Variants in EPHB2 observed in about 807,000 individuals in gnomAD.
EPHB2 encodes the protein ephrin type-B receptor 2.
EPHB2 carries 18 observed loss-of-function variants against 96.4 expected under a neutral mutation model. The observed-to-expected ratio is 0.19, with a 90% CI of 0.13 to 0.28. EPHB2 has a LOEUF of 0.28. Among genes scored for constraint, EPHB2 ranks in the 10% least tolerant of loss-of-function variants. The pLI is 1.00. For missense variants in EPHB2, 989 were observed against 1,355.4 expected, an observed-to-expected ratio of 0.73 and a Z score of 4.25; for synonymous variants, 506 against 534.1, an observed-to-expected ratio of 0.95 and a Z score of 0.72.
At chr1:22,730,707 C>T (rs1046172742) in intron 1 of EPHB2, among the ~76,000 whole-genome samples, 4 of 151,918 alleles carry the variant, frequency 2.6e-5, no homozygotes, top group African/African-American at 4.8e-5. Context: ...GTGTGCAAGG[C>T]AGCCAGCGTG....
Position 22,918,329 on chromosome 1 carries a change from T to G in EPHB2, c.*4759T>G, listed in dbSNP as rs1640319169. On this transcript the variant is annotated 3_prime_UTR_variant, in exon 16 of 16. Coordinates refer to ENST00000374630, the MANE Select transcript of EPHB2 (RefSeq NM_017449.5). This position sits in a 1 kb window ranked among gnomAD's most constrained non-coding sequence, Gnocchi z 4.2. The stretch of plus-strand genomic sequence containing the variant: ...TAATTTGGCTGATGTCTACCCCATT[T>G]CCTCCAGGCTTCTCTAGAGGTGGCA... 5 of 149,996 alleles carry G rather than the reference T, an allele frequency of 3.3e-5. No individual in the cohort carries two copies. In the South Asian group the frequency reaches 8.4e-4, roughly 25 times the overall value. The allele number at this position is 149,996 out of a possible 1,614,324, so 9.3% of individuals were successfully genotyped here.
At chr1:22,792,157 G>A (rs1644703150) in intron 3 of EPHB2, among the ~76,000 whole-genome samples, 1 of 152,034 alleles carries the variant, frequency 6.6e-6, no homozygotes, top group African/African-American at 2.4e-5. Context: ...TTCTTACAGA[G>A]GCTGGACCAG....
At chr1:22,756,125 G>A (rs982097387) in intron 1 of EPHB2, among the ~76,000 whole-genome samples, 1 of 152,174 alleles carries the variant, frequency 6.6e-6, no homozygotes, top group Non-Finnish European at 1.5e-5. Context: ...GGGATGGGCT[G>A]GGGGTCCATC....
intron 6 of EPHB2, among the ~76,000 whole-genome samples, chr1:22,886,329 G>C (rs536915776): frequency 6.6e-6 from 1 of 152,232 alleles, no homozygotes; most frequent in Non-Finnish European, 1.5e-5. Flanking sequence ...GCAGAAGCGG[G>C]AGCATCAGGG....
chr1:22,719,206 C>T (rs1643372407), intron 1 of EPHB2, among the ~76,000 whole-genome samples: 1 of 152,098 alleles, frequency 6.6e-6, no homozygotes, highest in Non-Finnish European at 1.5e-5. Flanking sequence ...AATAGCTCAT[C>T]AGGCCTTCAC....
rs368364274 is a variant in EPHB2 at position 22,788,517 on chromosome 1, C to T, written c.811+3441C>T. Among the ~76,000 whole-genome samples the T allele has an allele frequency of 2.4e-4, 37 of 152,332 alleles. 2 individuals carry two copies. The East Asian group carries it at 4.2e-3, about 17-fold the overall frequency. On this transcript the variant is annotated intron_variant, in intron 3 of 15. Transcript: ENST00000374630. The stretch of plus-strand genomic sequence containing the variant: ...AGGCACTGGCCCTGCTGGAGCAGGA[C>T]GTGCAGGAATGGTGATTCCAGCTCA...
At chr1:22,765,546 C>CAAAAAAAA (rs10667863) in intron 1 of EPHB2, among the ~76,000 whole-genome samples, 1 of 115,246 alleles carries the variant, frequency 8.7e-6, no homozygotes, top group Non-Finnish European at 1.7e-5. Flanking sequence ...GACCCTGTCG[C>CAAAAAAAA]AAAAAAAAAA....
intron 1 of EPHB2, among the ~76,000 whole-genome samples, chr1:22,747,057 G>A (rs1408809361): frequency 2.6e-5 from 4 of 152,268 alleles, no homozygotes; most frequent in African/African-American, 9.6e-5. Flanking sequence ...GGGAAACTGA[G>A]GCCCAGAGAG....
chr1:22,776,969 A>T (rs1216828509), intron 1 of EPHB2, among the ~76,000 whole-genome samples: 2 of 152,170 alleles, frequency 1.3e-5, no homozygotes, highest in African/African-American at 4.8e-5. Flanking sequence ...GCTTTGGGAG[A>T]TGATAGCAAA....
intron 3 of EPHB2, among the ~76,000 whole-genome samples, chr1:22,852,665 T>G (rs1645639974): frequency 6.6e-6 from 1 of 152,084 alleles, no homozygotes; most frequent in South Asian, 2.1e-4. Context: ...TTACAGACTG[T>G]GGGGTTCAGT....
intron 6 of EPHB2, among the ~76,000 whole-genome samples, chr1:22,884,586 C>G (rs1341277607): frequency 6.8e-6 from 1 of 146,094 alleles, no homozygotes; most frequent in Non-Finnish European, 1.5e-5. Context: ...CACCACTGCA[C>G]TCCAGCCTGG....
intron 1 of EPHB2, among the ~76,000 whole-genome samples, chr1:22,736,056 T>C (rs1423263419): frequency 6.6e-6 from 1 of 152,154 alleles, no homozygotes; most frequent in Non-Finnish European, 1.5e-5. Flanking sequence ...AAAATGAGGA[T>C]GATAAATAGC....
At chr1:22,778,876 C>T (rs780573579) in intron 1 of EPHB2, among the ~76,000 whole-genome samples, 2 of 152,226 alleles carry the variant, frequency 1.3e-5, no homozygotes, top group East Asian at 1.9e-4. Context: ...AGTTTCCACC[C>T]GTACGATGAG....
intron 3 of EPHB2, among the ~76,000 whole-genome samples, chr1:22,809,366 C>G (rs570833337): frequency 2.6e-5 from 4 of 152,358 alleles, no homozygotes; most frequent in Admixed American, 6.5e-5. Flanking sequence ...GAGATGTCTA[C>G]AGATCAGACA....
At chr1:22,821,369 G>A (rs1234653168) in intron 3 of EPHB2, among the ~76,000 whole-genome samples, 1 of 152,156 alleles carries the variant, frequency 6.6e-6, no homozygotes, top group East Asian at 1.9e-4. Context: ...CAGATATTGG[G>A]ACAATCATCA....
At chr1:22,804,963 C>A (rs1644902582) in intron 3 of EPHB2, among the ~76,000 whole-genome samples, 1 of 152,068 alleles carries the variant, frequency 6.6e-6, no homozygotes, top group South Asian at 2.1e-4. Flanking sequence ...ATGCCAGGGA[C>A]CCTGGGCAAA....
chr1:22,820,942 A>T (rs775435011), intron 3 of EPHB2, among the ~76,000 whole-genome samples: 24 of 152,230 alleles, frequency 1.6e-4, no homozygotes, highest in Non-Finnish European at 2.8e-4. Context: ...CATTTGCATC[A>T]GTTTGGATTA....
At chr1:22,807,108 C>G (rs1644938308) in intron 3 of EPHB2, among the ~76,000 whole-genome samples, 4 of 152,204 alleles carry the variant, frequency 2.6e-5, no homozygotes, top group African/African-American at 9.7e-5. Context: ...ACTTGGGGCA[C>G]CTCTGAGGGA....
intron 3 of EPHB2, among the ~76,000 whole-genome samples, chr1:22,850,442 C>T (rs1009572509): frequency 2.4e-4 from 36 of 152,212 alleles, no homozygotes; most frequent in African/African-American, 8.2e-4. Flanking sequence ...ACTGGGCCTG[C>T]CAGGCCTTAC....
Sources: gnomAD v4.1 joint callset for allele counts (sites outside exome capture counted in the v4.1 genomes callset) on GRCh38, gnomAD v4.1.1 for gene constraint, Gnocchi (gnomAD v3.1) non-coding constraint, MANE v1.5 for transcripts, NCBI Gene and HGNC (gene_info 2026-07-23, HGNC 2026-07-21) for gene names.